The following REEP3 variants were observed in gnomAD, a reference collection of about 807,000 sequenced individuals.
REEP3 encodes the protein receptor expression-enhancing protein 3.
In REEP3, 20 loss-of-function variants were observed where a neutral mutation model predicts 41.3. The ratio of observed to expected loss-of-function variants is 0.48; its 90% CI spans 0.34 to 0.70. The LOEUF (loss-of-function observed/expected upper bound fraction) is 0.70, where lower values mean the gene tolerates loss of function less well. REEP3 is among the 30% of genes least tolerant of loss of function. The pLI, the probability that REEP3 is intolerant of heterozygous loss-of-function variation, is 0.01. For synonymous variants in REEP3, 104 were observed against 101.8 expected (o/e 1.02, Z -0.13); for missense variants, 271 against 308.8 (o/e 0.88, Z 0.92).
At chr10:63,590,437 A>G (rs1457736948) in intron 2 of REEP3, among the ~76,000 whole-genome samples, 3 of 152,216 alleles carry the variant, frequency 2.0e-5, no homozygotes, top group Non-Finnish European at 2.9e-5. Context: ...AAAGGAGGGT[A>G]TATGTGCATG....
In REEP3 at chr10:63,599,215, A is replaced by G; in HGVS notation, c.349A>G (p.Thr117Ala). ...ACAAGCAAAGGAACGAGGCTATGAA[A>G]CCATGGTAAACTTTGGACGGCAAGG... The part of the protein sequence containing the change: ...IVQAKERGYE[T>A]MVNFGRQGLN... Residue 117 changes from threonine (T) to alanine (A), a missense_variant, in exon 5 of 8, where the codon ACC (threonine) becomes GCC (alanine). Thr to Ala is a moderately conservative substitution (Grantham distance 58). Transcript: ENST00000373758. 3.1e-6 allele frequency: 5 copies of G among 1,593,934 alleles called. No individual in the cohort carries two copies. The highest frequency in any genetic ancestry group is 4.3e-6 in the Non-Finnish European group (5 of 1,172,762).
intron 2 of REEP3, among the ~76,000 whole-genome samples, chr10:63,571,005 C>T (rs1338276584): frequency 6.6e-6 from 1 of 152,118 alleles, no homozygotes; most frequent in African/African-American, 2.4e-5. Flanking sequence ...GTTCCAGCCA[C>T]TCAGGAGGCT....
chr10:63,592,921 A>T (rs1329834557), intron 2 of REEP3, among the ~76,000 whole-genome samples: 4 of 152,152 alleles, frequency 2.6e-5, no homozygotes, highest in African/African-American at 7.2e-5. Context: ...CAAAAACCTT[A>T]TGAATACAGC....
chr10:63,606,218 C>A (rs199612348), intron 5 of REEP3: 1 of 227,672 alleles, frequency 4.4e-6, no homozygotes, highest in Non-Finnish European at 6.1e-6. Context: ...TCTTTATTGA[C>A]TAAGACCGCT....
chr10:63,592,616 C>T (rs985976899), intron 2 of REEP3, among the ~76,000 whole-genome samples: 14 of 152,060 alleles, frequency 9.2e-5, no homozygotes, highest in East Asian at 5.8e-4. Flanking sequence ...ATGGGCCGGG[C>T]GCGGTGGCTC....
chr10:63,553,238 T>C (rs1179719571), intron 1 of REEP3, among the ~76,000 whole-genome samples: 1 of 152,140 alleles, frequency 6.6e-6, no homozygotes, highest in Non-Finnish European at 1.5e-5. Context: ...AAAAAATTAC[T>C]GTGTTGGAGA....
Position 63,619,918 on chromosome 10 carries a change from A to ATTT in REEP3, c.711+142_711+144dup, listed in dbSNP as rs71463534. 305 of 249,882 alleles carry ATTT rather than the reference A, an allele frequency of 1.2e-3. 1 individual carries two copies. Among genetic ancestry groups the ATTT allele is most frequent in the South Asian group, 2.0e-3 (36 of 17,652 alleles). 15.5% of individuals were successfully genotyped at this position (249,882 alleles called of 1,614,324 possible). On this transcript the variant is annotated intron_variant, in intron 7 of 7. Coordinates refer to ENST00000373758, the MANE Select transcript of REEP3 (RefSeq NM_001001330.3). ...ATTGGAATGGTAGAACAGCAGTTTG[A>ATTT]TTTTTTTTTTTTTTTTTTTTTTTTT...
At chr10:63,553,991 A>G (rs927250662) in intron 1 of REEP3, among the ~76,000 whole-genome samples, 1 of 151,882 alleles carries the variant, frequency 6.6e-6, no homozygotes, top group African/African-American at 2.4e-5. Context: ...AGTCCCAGCT[A>G]CTCAGGAGGC....
intron 2 of REEP3, among the ~76,000 whole-genome samples, chr10:63,567,130 G>C (rs1426217940): frequency 6.6e-6 from 1 of 152,102 alleles, no homozygotes; most frequent in Non-Finnish European, 1.5e-5. Flanking sequence ...ATATTGTATT[G>C]GTGGTGTTAA....
intron 1 of REEP3, among the ~76,000 whole-genome samples, chr10:63,543,031 CA>C (rs1955543357): frequency 6.6e-6 from 1 of 152,128 alleles, no homozygotes; most frequent in Non-Finnish European, 1.5e-5. Flanking sequence ...TGCTCCTCCC[CA>C]GCCATTCATC....
rs114425888 is a variant in REEP3 at position 63,593,814 on chromosome 10, G to A, written c.106-964G>A. On this transcript the variant is annotated intron_variant, in intron 2 of 7. Coordinates refer to ENST00000373758, the MANE Select transcript of REEP3 (RefSeq NM_001001330.3). ...GCCCTGACTCAGAAGAGATTAAAAC[G>A]TCCTGAACTACCATTGTGGAATTAG... Among the ~76,000 whole-genome samples, 1,456 of 152,278 alleles carry A rather than the reference G, an allele frequency of 9.6e-3. 24 individuals are homozygous for A. Among genetic ancestry groups the A allele is most frequent in the African/African-American group, 0.033 (1,356 of 41,560 alleles).
chr10:63,620,661 A>G (rs1017630627), intron 7 of REEP3, among the ~76,000 whole-genome samples, 152 bp from the exon 8 acceptor site: 3 of 152,226 alleles, frequency 2.0e-5, no homozygotes, highest in African/African-American at 7.2e-5. Context: ...TTATGAGTTT[A>G]TAAGTAGTGC....
At position 63,622,332 on chromosome 10, in the gene REEP3, A is replaced by G. The variant is rs906355025; in HGVS notation, c.*1463A>G. 8 of 152,234 alleles carry G rather than the reference A, an allele frequency of 5.3e-5. No individual in the cohort carries two copies. Among genetic ancestry groups the G allele is most frequent in the African/African-American group, 1.9e-4 (8 of 41,460 alleles). 9.4% of individuals were successfully genotyped at this position (152,234 alleles called of 1,614,324 possible). On this transcript the variant is annotated 3_prime_UTR_variant, in exon 8 of 8. Coordinates refer to ENST00000373758, the MANE Select transcript of REEP3 (RefSeq NM_001001330.3). ...TGTTTACACAGGAGTACCTTGGTAT[A>G]ATGCATACATTGTCTCATGATACTA...
intron 1 of REEP3, chr10:63,521,783 AGCTGCGGCGACTGCG>A: frequency 3.0e-6 from 1 of 331,360 alleles, no homozygotes; most frequent in Non-Finnish European, 5.5e-6. Context: ...CCGAGGGCCT[AGCTGCGGCGACTGCG>A]GCTGCGACGG....
At chr10:63,597,913 A>G in intron 3 of REEP3, 111 bp from the exon 4 acceptor site, 2 of 996,424 alleles carry the variant, frequency 2.0e-6, no homozygotes, top group South Asian at 3.6e-5. Context: ...ATCTCAAAAA[A>G]AAAAAAACAA....
chr10:63,522,001 G>T (rs1955271783), intron 1 of REEP3, among the ~76,000 whole-genome samples: 1 of 151,876 alleles, frequency 6.6e-6, no homozygotes, highest in Non-Finnish European at 1.5e-5. Context: ...CTCCGCAGAC[G>T]CCGAGCGCGG....
chr10:63,562,750 GGA>G (rs1354214276), intron 1 of REEP3, among the ~76,000 whole-genome samples: 2 of 152,154 alleles, frequency 1.3e-5, no homozygotes, highest in African/African-American at 4.8e-5. Flanking sequence ...CTAAAAATAT[GGA>G]GAGATGTAAA....
At chr10:63,562,847 T>G in intron 1 of REEP3, 1 of 445,546 alleles carries the variant, frequency 2.2e-6, no homozygotes, top group Non-Finnish European at 4.5e-6. Context: ...TGTTATGGGC[T>G]GAATTCTGTC....
At chr10:63,554,774 G>A (rs924168032) in intron 1 of REEP3, among the ~76,000 whole-genome samples, 6 of 152,196 alleles carry the variant, frequency 3.9e-5, no homozygotes, top group African/African-American at 1.4e-4. Context: ...TCAGCCCTAT[G>A]AGCCATTCTG....
Sources: allele counts gnomAD v4.1 joint callset (sites outside exome capture counted in the v4.1 genomes callset), GRCh38; gene constraint gnomAD v4.1.1; transcripts MANE v1.5; gene names NCBI Gene and HGNC (gene_info 2026-07-23, HGNC 2026-07-21).